SHANK2: variants seen among roughly 807,000 people sequenced by gnomAD.
The protein encoded by SHANK2 is SH3 and multiple ankyrin repeat domains protein 2.
A neutral mutation model predicts 133.7 loss-of-function variants in SHANK2; 43 were observed. The ratio of observed to expected loss-of-function variants is 0.32; its 90% CI spans 0.25 to 0.41. The LOEUF (loss-of-function observed/expected upper bound fraction) is 0.41. Ranked by LOEUF, SHANK2 falls within the 10% of genes least tolerant of loss-of-function variation. The probability of loss-of-function intolerance (pLI) is 1.00; values close to 1 mark genes in which losing one functional copy is unlikely to be tolerated. For missense variants in SHANK2, 1,994 were observed against 2,235.8 expected, an observed-to-expected ratio of 0.89 and a Z score of 2.18; for synonymous variants, 1,017 against 952.8, an observed-to-expected ratio of 1.07 and a Z score of -1.24.
intron 12 of SHANK2, among the ~76,000 whole-genome samples, chr11:70,814,565 G>A (rs932588188): frequency 1.3e-5 from 2 of 152,208 alleles, no homozygotes; most frequent in African/African-American, 4.8e-5. Flanking sequence ...AACCCTGAAC[G>A]CAGCTGCACC....
At chr11:71,105,599 AAAAAAAAAAAAAAAAG>A (rs1206492014) in intron 6 of SHANK2, among the ~76,000 whole-genome samples, 16 of 150,980 alleles carry the variant, frequency 1.1e-4, no homozygotes, top group Non-Finnish European at 8.9e-5. Context: ...CTAAAAAAAA[AAAAAAAAAAAAAAAAG>A]AAAGGGTCAG....
chr11:70,542,957 G>A (rs920690806), intron 17 of SHANK2, among the ~76,000 whole-genome samples: 14 of 152,272 alleles, frequency 9.2e-5, no homozygotes, highest in South Asian at 2.1e-4. Flanking sequence ...CCCCGGGACC[G>A]CTGACCAATC....
chr11:70,505,338 G>A (rs1232591659), intron 17 of SHANK2, among the ~76,000 whole-genome samples: 1 of 152,142 alleles, frequency 6.6e-6, no homozygotes, highest in Non-Finnish European at 1.5e-5. Flanking sequence ...AGTATGAGGT[G>A]CCAAACACAC....
At chr11:70,943,092 G>A in intron 10 of SHANK2, 3 of 456,806 alleles carry the variant, frequency 6.6e-6, no homozygotes, top group Non-Finnish European at 1.3e-5. Context: ...GCTCTGAGGG[G>A]TGGGAAGGAG....
intron 9 of SHANK2, among the ~76,000 whole-genome samples, chr11:71,061,344 C>T (rs1306323319): frequency 2.0e-5 from 3 of 152,248 alleles, no homozygotes; most frequent in African/African-American, 4.8e-5. Flanking sequence ...ACCTCCCTAA[C>T]GTGGTCACAC....
At chr11:70,841,849 G>A (rs545175525) in intron 11 of SHANK2, among the ~76,000 whole-genome samples, 17 of 152,108 alleles carry the variant, frequency 1.1e-4, no homozygotes, top group Non-Finnish European at 1.9e-4. Context: ...CTGACTGTGC[G>A]TGTCTGCTCG....
intron 2 of SHANK2, among the ~76,000 whole-genome samples, chr11:71,206,377 T>C (rs1431367278): frequency 4.6e-5 from 7 of 152,116 alleles, no homozygotes; most frequent in Non-Finnish European, 8.8e-5. Context: ...AACTCTTCCC[T>C]CTGAAAACAT....
At position 70,807,805 on chromosome 11, in the gene SHANK2, G is replaced by C. The variant is rs1210350176; in HGVS notation, c.1494-634C>G. Among the ~76,000 whole-genome samples, 4 of 152,100 alleles carry C rather than the reference G, an allele frequency of 2.6e-5. No individual in the cohort carries two copies. The East Asian group carries it at 7.7e-4, about 29-fold the overall frequency. ...AGACTGCACCATTGCACTCCAGCCT[G>C]GGTGACAGAGTGAGACTCTGTCTCC... On this transcript the variant is annotated intron_variant, in intron 12 of 25. Coordinates refer to ENST00000601538, the MANE Select transcript of SHANK2 (RefSeq NM_012309.5). This position sits in a 1 kb window ranked among gnomAD's most constrained non-coding sequence, Gnocchi z 4.8.
chr11:70,808,332 C>T (rs1555052466), intron 12 of SHANK2, among the ~76,000 whole-genome samples: 1 of 151,754 alleles, frequency 6.6e-6, no homozygotes, highest in East Asian at 1.9e-4. Flanking sequence ...CTCCTGAGTA[C>T]CTGGGATTAC....
intron 12 of SHANK2, among the ~76,000 whole-genome samples, chr11:70,815,072 C>T (rs1948360053): frequency 6.6e-6 from 1 of 152,164 alleles, no homozygotes; most frequent in Admixed American, 6.5e-5. Context: ...AGGGCGCCCC[C>T]AGGGGCGGAG....
rs370358456 is a variant in SHANK2, at chr11:70,569,877, G to A, written c.2062-66946C>T. On this transcript the variant is annotated intron_variant, in intron 17 of 25. Coordinates refer to ENST00000601538, the MANE Select transcript of SHANK2 (RefSeq NM_012309.5). This position sits in a 1 kb window ranked among gnomAD's most constrained non-coding sequence, Gnocchi z 5.1. ...AGCAAGGGCAGGAGGTCAGTACGAG[G>A]AGACGGGGACGACGGTACAGAGCAA... Among the ~76,000 whole-genome samples the A allele has an allele frequency of 1.8e-4, 27 of 152,250 alleles. 1 individual carries two copies. In the South Asian group the frequency reaches 5.6e-3, roughly 32 times the overall value.
intron 11 of SHANK2, among the ~76,000 whole-genome samples, chr11:70,838,818 C>T (rs951499508): frequency 6.6e-6 from 1 of 152,170 alleles, no homozygotes. Flanking sequence ...TATTGACTTC[C>T]AGTCTCTCAG....
intron 14 of SHANK2, among the ~76,000 whole-genome samples, chr11:70,766,300 CCT>C (rs1555041360): frequency 6.6e-6 from 1 of 152,126 alleles, no homozygotes; most frequent in African/African-American, 2.4e-5. Flanking sequence ...GGACTGCTGC[CCT>C]CTGTCTTCTT....
At chr11:70,480,880 C>T (rs1304120470) in intron 25 of SHANK2, among the ~76,000 whole-genome samples, 1 of 152,210 alleles carries the variant, frequency 6.6e-6, no homozygotes, top group Non-Finnish European at 1.5e-5. Flanking sequence ...AGGCCTGCAC[C>T]TGAGGAGCTT....
chr11:70,825,055 G>A (rs1948617263), intron 11 of SHANK2, among the ~76,000 whole-genome samples: 1 of 152,024 alleles, frequency 6.6e-6, no homozygotes, highest in Non-Finnish European at 1.5e-5. Context: ...TCACGGAAAC[G>A]CTGCCTCCCA....
intron 3 of SHANK2, among the ~76,000 whole-genome samples, chr11:71,125,241 G>C (rs1470518600): frequency 6.6e-5 from 10 of 152,138 alleles, no homozygotes; most frequent in African/African-American, 2.4e-4. Context: ...TAAATCAAAA[G>C]CTAGGAGTGA....
chr11:71,200,077 C>T (rs1405054188), intron 2 of SHANK2, among the ~76,000 whole-genome samples: 5 of 152,184 alleles, frequency 3.3e-5, no homozygotes, highest in African/African-American at 4.8e-5. Flanking sequence ...CACTATCTAA[C>T]GTCAGGACAT....
In SHANK2 at chr11:70,487,092, C is replaced by A; in HGVS notation, c.3201G>T (p.Arg1067=). The A allele has an allele frequency of 2.5e-6, 4 of 1,610,546 alleles. No individual in the cohort carries two copies. The South Asian group carries it at 4.4e-5, about 18-fold the overall frequency. The change falls in exon 25 of 26, where the codon CGG becomes CGT. Residue 1067 remains arginine, a synonymous_variant. Transcript: ENST00000601538. This position sits in a 1 kb window ranked among gnomAD's most constrained non-coding sequence, Gnocchi z 5.8. The stretch of plus-strand genomic sequence containing the variant: ...TGCTGACGGTCAGGCTTTCGTCAGG[C>A]CGCAGCTGGCTCGGTGGCTCCGGGG... ...PQAPEPPSQL[R]PDESLTVSSP...
chr11:70,489,209 C>A lies in SHANK2; in HGVS notation c.2572+119G>T. ...TTCAAAGTGTTCTCCATTGACCAGTCACTCTGAGTTGGCTGTCTGGCAATT... is the reference window on the plus strand; with the variant it reads ...TTCAAAGTGTTCTCCATTGACCAGTAACTCTGAGTTGGCTGTCTGGCAATT... On this transcript the variant is annotated intron_variant, in intron 24 of 25. Coordinates refer to ENST00000601538, the MANE Select transcript of SHANK2 (RefSeq NM_012309.5). 5 of 972,448 alleles carry A rather than the reference C, an allele frequency of 5.1e-6. No homozygotes were observed. In the South Asian group the frequency reaches 5.2e-5, roughly 10 times the overall value. The allele number at this position is 972,448 out of a possible 1,614,324, so 60.2% of individuals were successfully genotyped here.
Sources: allele counts gnomAD v4.1 joint callset (sites outside exome capture counted in the v4.1 genomes callset), GRCh38; gene constraint gnomAD v4.1.1; non-coding constraint Gnocchi (gnomAD v3.1); transcripts MANE v1.5; gene names NCBI Gene and HGNC (gene_info 2026-07-23, HGNC 2026-07-21).